Variants in CD300LG observed in about 807,000 individuals in gnomAD.
CD300LG encodes the protein CMRF35-like molecule 9.
Under a neutral mutation model 31.5 loss-of-function variants are expected in CD300LG, and 29 were observed. The observed-to-expected ratio is 0.92, with a 90% CI of 0.68 to 1.25. The LOEUF is 1.25. Ranked by LOEUF, CD300LG falls within the 50% of genes most tolerant of loss-of-function variation. CD300LG has a pLI of 0.00. For missense variants in CD300LG, 396 were observed against 417.6 expected (o/e 0.95, Z 0.45); for synonymous variants, 175 against 177.2 (o/e 0.99, Z 0.10).
chr17:43,850,674 C>G (rs1218135489), intron 2 of CD300LG, among the ~76,000 whole-genome samples: 1 of 151,714 alleles, frequency 6.6e-6, no homozygotes, highest in African/African-American at 2.4e-5. Flanking sequence ...GATGTGGTTT[C>G]GCCATATTGG....
chr17:43,857,908 T>C lies in CD300LG; in HGVS notation c.885+752T>C, dbSNP rs180930587. ...CCAGGGGCAAGAGAATAAGGGTCCCTGTGCCCATTGTCTGGAGCTGGGAAC... is the reference window on the plus strand; with the variant it reads ...CCAGGGGCAAGAGAATAAGGGTCCCCGTGCCCATTGTCTGGAGCTGGGAAC... On this transcript the variant is annotated intron_variant, in intron 6 of 6. Coordinates refer to ENST00000317310, the MANE Select transcript of CD300LG (RefSeq NM_145273.4). 4.0e-4 allele frequency: 611 copies of C among 1,536,200 alleles called. 7 individuals are homozygous for C. In the East Asian group the frequency reaches 7.8e-3, roughly 20 times the overall value.
At chr17:43,848,521 C>G (rs1387157938) in intron 1 of CD300LG, 37 bp from the exon 2 acceptor site, 2 of 1,545,932 alleles carry the variant, frequency 1.3e-6, no homozygotes, top group Non-Finnish European at 1.8e-6. Flanking sequence ...TACATGGAGC[C>G]TGGTTTTTCC....
intron 6 of CD300LG, chr17:43,857,791 A>G: frequency 6.5e-7 from 1 of 1,537,016 alleles, no homozygotes; most frequent in Non-Finnish European, 8.7e-7. Context: ...TCTTTCCAGA[A>G]CTCCCTGATG....
At position 43,861,968 on chromosome 17, in the gene CD300LG, C is replaced by G; in HGVS notation, c.*57C>G. On this transcript the variant is annotated 3_prime_UTR_variant, in exon 7 of 7. Transcript: ENST00000317310. The stretch of plus-strand genomic sequence containing the variant: ...GAAGCAGTATGGCTGGCTGGATCAG[C>G]ACCGATTCCCGAAAGCTTTCCACCT... 2 of 1,274,084 alleles carry G rather than the reference C, an allele frequency of 1.6e-6. No individual in the cohort carries two copies. Among genetic ancestry groups the G allele is most frequent in the South Asian group, 2.9e-5 (2 of 68,684 alleles). The allele number at this position is 1,274,084 out of a possible 1,614,324, so 78.9% of individuals were successfully genotyped here.
intron 6 of CD300LG, among the ~76,000 whole-genome samples, chr17:43,858,974 C>T (rs939324546): frequency 6.6e-6 from 1 of 152,192 alleles, no homozygotes; most frequent in Non-Finnish European, 1.5e-5. Context: ...GAATCCTCAT[C>T]ATTCCCATAC....
At chr17:43,858,572 A>AG in intron 6 of CD300LG, 1 of 985,376 alleles carries the variant, frequency 1.0e-6, no homozygotes, top group Non-Finnish European at 1.2e-6. Flanking sequence ...GAGGGGCTCT[A>AG]GGGGGCGGCC....
chr17:43,857,738 CCAAA>C (rs1395637781), intron 6 of CD300LG: 74 of 1,523,638 alleles, frequency 4.9e-5, no homozygotes, highest in Non-Finnish European at 6.5e-5. Flanking sequence ...AGGTGGTGGC[CCAAA>C]CAGAGAACAG....
At chr17:43,851,041 A>AG (rs2046334758) in intron 2 of CD300LG, among the ~76,000 whole-genome samples, 1 of 150,322 alleles carries the variant, frequency 6.7e-6, no homozygotes, top group East Asian at 2.0e-4. Context: ...AGGCTGAGGC[A>AG]GAGAATTGCT....
In CD300LG at chr17:43,848,808, C is replaced by A. The variant is rs997810107; in HGVS notation, c.294C>A (p.Thr98=). 6.2e-7 allele frequency: 1 copy of A among 1,614,140 alleles called. No homozygotes were observed. Among genetic ancestry groups the A allele is most frequent in the Admixed American group, 1.7e-5 (1 of 60,022 alleles). The change falls in exon 2 of 7, where the codon ACC becomes ACA. Residue 98 remains threonine, a synonymous_variant. Coordinates refer to ENST00000317310, the MANE Select transcript of CD300LG (RefSeq NM_145273.4). ...TCATTGTGACCCTGTGGAACCTCAC[C>A]CTGCAAGACGCTGGGGAGTACTGGT... is the stretch of plus-strand genomic sequence containing the variant. ...LSLIVTLWNL[T]LQDAGEYWCG... is the part of the protein sequence containing the mutation.
rs756592250 is a variant in CD300LG at position 43,853,976 on chromosome 17, C to G, written c.651C>G (p.Pro217=). 3 of 1,614,214 alleles carry G rather than the reference C, an allele frequency of 1.9e-6. No individual in the cohort carries two copies. The East Asian group carries it at 6.7e-5, about 36-fold the overall frequency. Residue 217 remains proline, a synonymous_variant, in exon 4 of 7, where the codon CCC becomes CCG. Transcript: ENST00000317310. ...CTCCTGCAGGGAGCTCCCGCCCCCCCATGCAGCTGGACTCCACCTCAGCAG... is the reference window on the plus strand; with the variant it reads ...CTCCTGCAGGGAGCTCCCGCCCCCCGATGCAGCTGGACTCCACCTCAGCAG... ...TSPPAGSSRP[P]MQLDSTSAED... is the part of the protein sequence containing the mutation.
In CD300LG at chr17:43,857,133, G is replaced by A. The variant is rs139013710; in HGVS notation, c.862G>A (p.Glu288Lys). 117 of 1,614,026 alleles carry A rather than the reference G, an allele frequency of 7.2e-5. No individual in the cohort carries two copies. In the African/African-American group the frequency reaches 1.2e-3, roughly 16 times the overall value. ...AQQATETQRN[E>K]KFCLSRLTAE... is the part of the protein sequence containing the mutation. ...ACAGGCCACGGAGACACAGAGGAAC[G>A]AGAAGTTCTGCCTCTCACGCTTGGT... Residue 288 changes from glutamate (E) to lysine (K), a missense_variant, in exon 6 of 7, where the codon GAG becomes AAG. By Grantham distance (56) the Glu-to-Lys change is moderately conservative. Coordinates refer to ENST00000317310, the MANE Select transcript of CD300LG (RefSeq NM_145273.4).
chr17:43,860,576 G>A (rs540698712), intron 6 of CD300LG, among the ~76,000 whole-genome samples: 11 of 152,318 alleles, frequency 7.2e-5, no homozygotes, highest in Admixed American at 5.2e-4. Context: ...AGCCAGGCCC[G>A]GGTCAGAATA....
Position 43,853,809 on chromosome 17 carries a change from T to G in CD300LG, c.484T>G (p.Ser162Ala), listed in dbSNP as rs1416776168. 1 of 1,612,416 alleles carries G rather than the reference T, an allele frequency of 6.2e-7. No homozygotes were observed. The highest frequency in any genetic ancestry group is 2.2e-5 in the East Asian group (1 of 44,870). The change falls in exon 4 of 7, where the codon TCT becomes GCT. Residue 162 changes from serine to alanine, a missense_variant and splice_region_variant. Physicochemically the swap from Ser to Ala is moderately conservative, Grantham distance 99. Coordinates refer to ENST00000317310, the MANE Select transcript of CD300LG (RefSeq NM_145273.4). ...AGGCATTGCTTTTGGACTTGTAGCT[T>G]CTCCTGGGCTCTACCCGGCAGCCAC... is the stretch of plus-strand genomic sequence containing the variant. ...AQQTQPPGLT[S>A]PGLYPAATTA...
At chr17:43,849,233 G>T in intron 2 of CD300LG, 1 of 455,578 alleles carries the variant, frequency 2.2e-6, no homozygotes, top group Non-Finnish European at 3.8e-6. Context: ...AGGGGATAAA[G>T]AAGACTCCTC....
At chr17:43,858,760 T>C (rs2046593725) in intron 6 of CD300LG, 1 of 956,998 alleles carries the variant, frequency 1.0e-6, no homozygotes, top group Middle Eastern at 5.4e-4. Context: ...TTTGTCCACA[T>C]TCGGGTCAAA....
At chr17:43,851,966 G>A (rs1159071422) in intron 2 of CD300LG, among the ~76,000 whole-genome samples, 3 of 152,098 alleles carry the variant, frequency 2.0e-5, no homozygotes, top group Admixed American at 6.5e-5. Flanking sequence ...CTGCTTCCAG[G>A]GAAGACATTA....
chr17:43,861,690 C>T, intron 6 of CD300LG, 108 bp from the exon 7 acceptor site: 1 of 645,902 alleles, frequency 1.5e-6, no homozygotes, highest in Non-Finnish European at 2.5e-6. Context: ...AGGGCTGGAA[C>T]TTGTGGAAAA....
At chr17:43,850,012 C>G (rs1418605827) in intron 2 of CD300LG, 1 of 152,208 alleles carries the variant, frequency 6.6e-6, no homozygotes, top group Non-Finnish European at 1.5e-5. Context: ...CAGTTATGAT[C>G]AAGTTCGCTT....
chr17:43,847,407 A>G, intron 1 of CD300LG, 148 bp downstream of exon 1: 1 of 656,006 alleles, frequency 1.5e-6, no homozygotes. Context: ...GGGTGGGGGG[A>G]GGTGGGGGTG....
Sources: gnomAD v4.1 joint callset for allele counts (sites outside exome capture counted in the v4.1 genomes callset) on GRCh38, gnomAD v4.1.1 for gene constraint, MANE v1.5 for transcripts, NCBI Gene and HGNC (gene_info 2026-07-23, HGNC 2026-07-21) for gene names.